Variants in PAPSS2 observed in about 807,000 individuals in gnomAD.
PAPSS2 encodes the protein 3'-phosphoadenosine 5'-phosphosulfate synthase 2.
Under a neutral mutation model 66.5 loss-of-function variants are expected in PAPSS2, and 61 were observed. The ratio of observed to expected loss-of-function variants is 0.92; its 90% CI spans 0.75 to 1.14. The LOEUF is 1.14. PAPSS2 is among the 50% of genes most tolerant of loss of function. PAPSS2 has a pLI of 0.00. For synonymous variants in PAPSS2, 289 were observed against 287.5 expected, an observed-to-expected ratio of 1.01 and a Z score of -0.05; for missense variants, 708 against 789.6, an observed-to-expected ratio of 0.90 and a Z score of 1.24.
intron 2 of PAPSS2, 72 bp from the exon 3 acceptor site, chr10:87,713,003 C>T: frequency 2.6e-6 from 2 of 782,966 alleles, no homozygotes; most frequent in Non-Finnish European, 4.6e-6. Flanking sequence ...TTTAAAATTA[C>T]TAGATTAGTT....
At chr10:87,737,748 C>T (rs1490402295) in intron 9 of PAPSS2, among the ~76,000 whole-genome samples, 2 of 151,328 alleles carry the variant, frequency 1.3e-5, no homozygotes, top group African/African-American at 2.4e-5. Context: ...GCATAAGCCC[C>T]GGAGGTAGAG....
chr10:87,702,614 C>T (rs1308874076), intron 1 of PAPSS2, among the ~76,000 whole-genome samples: 2 of 152,218 alleles, frequency 1.3e-5, no homozygotes, highest in African/African-American at 2.4e-5. Flanking sequence ...CAAGTTAAAA[C>T]AGGGCGGAGT....
Position 87,709,180 on chromosome 10 carries a change from T to C in PAPSS2, c.28-16T>C. The stretch of plus-strand genomic sequence containing the variant: ...TTATTAATTAATACTGTGCTTGGTT[T>C]TGTCTTATTTTATAGGAGAACCAGC... On this transcript the variant is annotated splice_polypyrimidine_tract_variant and intron_variant, in intron 1 of 12. Transcript: ENST00000456849. 6.5e-7 allele frequency: 1 copy of C among 1,530,836 alleles called. No individual in the cohort carries two copies. The highest frequency in any genetic ancestry group is 9.1e-7 in the Non-Finnish European group (1 of 1,104,496). The allele number at this position is 1,530,836 out of a possible 1,614,324, so 94.8% of individuals were successfully genotyped here.
chr10:87,721,378 G>A (rs903224564), intron 7 of PAPSS2, among the ~76,000 whole-genome samples: 11 of 152,096 alleles, frequency 7.2e-5, no homozygotes, highest in Non-Finnish European at 1.6e-4. Context: ...ATTCTACAGT[G>A]GTTGTGAGAT....
chr10:87,669,804 G>A (rs17116906), intron 1 of PAPSS2, among the ~76,000 whole-genome samples: 2,590 of 152,340 alleles, frequency 0.017, 75 homozygotes, highest in African/African-American at 0.059. Context: ...TCTTTAAAGA[G>A]TTACCCAAAG....
intron 1 of PAPSS2, among the ~76,000 whole-genome samples, chr10:87,666,949 C>A (rs1852822963): frequency 6.6e-6 from 1 of 152,224 alleles, no homozygotes; most frequent in South Asian, 2.1e-4. Flanking sequence ...GGCTATTTGG[C>A]CTCCCTCTTC....
At chr10:87,683,593 A>G (rs1032090599) in intron 1 of PAPSS2, among the ~76,000 whole-genome samples, 2 of 152,152 alleles carry the variant, frequency 1.3e-5, no homozygotes, top group Non-Finnish European at 2.9e-5. Context: ...TGTGGAAATC[A>G]TTTGTCTTCT....
intron 1 of PAPSS2, chr10:87,703,946 A>T (rs1011237196): frequency 2.0e-6 from 1 of 495,792 alleles, no homozygotes; most frequent in African/African-American, 2.0e-5. Context: ...TTTGCTTTCT[A>T]TAGAGAGAAT....
At chr10:87,713,027 C>A in intron 2 of PAPSS2, 48 bp from the exon 3 acceptor site, 1 of 1,011,454 alleles carries the variant, frequency 9.9e-7, no homozygotes, top group Non-Finnish European at 1.6e-6. Flanking sequence ...AATTTGTCAT[C>A]TTAAACTATC....
At chr10:87,721,066 C>T (rs937842369) in intron 7 of PAPSS2, among the ~76,000 whole-genome samples, 1 of 152,174 alleles carries the variant, frequency 6.6e-6, no homozygotes, top group Non-Finnish European at 1.5e-5. Context: ...TGTGAGAGTA[C>T]TCTGCATATA....
At chr10:87,735,878 C>T (rs1444943567) in intron 9 of PAPSS2, among the ~76,000 whole-genome samples, 1 of 152,220 alleles carries the variant, frequency 6.6e-6, no homozygotes, top group Non-Finnish European at 1.5e-5. Context: ...CTCCCTGAAC[C>T]TCTCTGGAAT....
At chr10:87,698,937 A>G (rs1000497617) in intron 1 of PAPSS2, among the ~76,000 whole-genome samples, 2 of 152,236 alleles carry the variant, frequency 1.3e-5, no homozygotes, top group South Asian at 2.1e-4. Flanking sequence ...AGACTTTCCT[A>G]TCTACCAATA....
At chr10:87,663,262 C>T (rs909228131) in intron 1 of PAPSS2, among the ~76,000 whole-genome samples, 4 of 151,936 alleles carry the variant, frequency 2.6e-5, no homozygotes, top group African/African-American at 9.7e-5. Flanking sequence ...CTGGTGTGTA[C>T]CACCACGCCC....
intron 1 of PAPSS2, among the ~76,000 whole-genome samples, chr10:87,662,679 A>G (rs1349337165): frequency 1.3e-5 from 2 of 151,568 alleles, no homozygotes. Context: ...CATTTCCTGG[A>G]TTAACATTTT....
chr10:87,724,766 T>C (rs12767781), intron 8 of PAPSS2, among the ~76,000 whole-genome samples: 8,285 of 150,006 alleles, frequency 0.055, 329 homozygotes, highest in Non-Finnish European at 0.088. Context: ...ATTTCTGATA[T>C]ATATCTGAAT....
intron 1 of PAPSS2, 30 bp downstream of exon 1, chr10:87,660,038 C>T (rs1852728743): frequency 1.2e-6 from 2 of 1,605,388 alleles, no homozygotes; most frequent in South Asian, 1.1e-5. Context: ...CTTCCCTCCC[C>T]GCCACCGCAC....
At chr10:87,660,832 A>C (rs1351120400) in intron 1 of PAPSS2, among the ~76,000 whole-genome samples, 1 of 136,852 alleles carries the variant, frequency 7.3e-6, no homozygotes, top group Non-Finnish European at 1.5e-5. Flanking sequence ...AAAAAAAAAA[A>C]AACCGGGAGC....
chr10:87,694,628 G>A (rs896495317), intron 1 of PAPSS2, among the ~76,000 whole-genome samples: 1 of 152,226 alleles, frequency 6.6e-6, no homozygotes, highest in Non-Finnish European at 1.5e-5. Context: ...TGTTATCTGA[G>A]AGTAGAAAAT....
At chr10:87,682,272 A>G (rs1041929298) in intron 1 of PAPSS2, among the ~76,000 whole-genome samples, 2 of 152,210 alleles carry the variant, frequency 1.3e-5, no homozygotes, top group African/African-American at 4.8e-5. Flanking sequence ...TCTACAGAGG[A>G]GCAAAGGGTA....
Sources: gnomAD v4.1 joint callset for allele counts (sites outside exome capture counted in the v4.1 genomes callset) on GRCh38, gnomAD v4.1.1 for gene constraint, MANE v1.5 for transcripts, NCBI Gene and HGNC (gene_info 2026-07-23, HGNC 2026-07-21) for gene names.